ADCK2: variants seen among roughly 807,000 people sequenced by gnomAD.
ADCK2 encodes the protein aarF domain containing kinase 2.
ADCK2 carries 37 observed loss-of-function variants against 52.3 expected under a neutral mutation model. That is an observed-to-expected ratio of 0.71 (90% CI 0.54 to 0.93). The LOEUF is 0.93. ADCK2 is among the 40% of genes least tolerant of loss of function. The pLI is 0.00. For missense variants in ADCK2, 695 were observed against 798.7 expected, an observed-to-expected ratio of 0.87 and a Z score of 1.56; for synonymous variants, 321 against 349.2, an observed-to-expected ratio of 0.92 and a Z score of 0.90.
rs1449345668 is a variant in ADCK2 at position 140,691,922 on chromosome 7, G to A, written c.1740+1109G>A. 3.3e-5 allele frequency among the ~76,000 whole-genome samples: 5 copies of A among 152,218 alleles called. No homozygotes were observed. The East Asian group carries it at 7.7e-4, about 23-fold the overall frequency. On this transcript the variant is annotated intron_variant, in intron 7 of 7. Transcript: ENST00000072869. The stretch of plus-strand genomic sequence containing the variant: ...TGCTCCCCACACAGTTTCCAGCACG[G>A]TGGGTGAGGGGCCTTGAGTGTTTGC...
At chr7:140,692,273 G>A (rs116371636) in intron 7 of ADCK2, among the ~76,000 whole-genome samples, 1,901 of 152,242 alleles carry the variant, frequency 0.012, 32 homozygotes, top group African/African-American at 0.043. Flanking sequence ...TTTCATATAA[G>A]TGGAATTATA....
chr7:140,679,335 G>A (rs1374788253), intron 3 of ADCK2, 52 bp downstream of exon 3: 1 of 1,605,218 alleles, frequency 6.2e-7, no homozygotes, highest in Non-Finnish European at 8.5e-7. Context: ...ACTCGCAGTG[G>A]GCCCGTCTCC....
At chr7:140,694,620 A>G (rs760877942) in intron 7 of ADCK2, 43 bp from the exon 8 acceptor site, 1 of 1,584,836 alleles carries the variant, frequency 6.3e-7, no homozygotes, top group South Asian at 1.1e-5. Context: ...ACGTCCCTGT[A>G]TCAGCATGTT....
intron 3 of ADCK2, 80 bp from the exon 4 acceptor site, chr7:140,680,962 G>T: frequency 8.0e-7 from 1 of 1,245,694 alleles, no homozygotes; most frequent in African/African-American, 1.5e-5. Flanking sequence ...AGAAGACAGC[G>T]CTGTGGTGCC....
chr7:140,675,776 CA>C (rs1428343332), intron 2 of ADCK2, among the ~76,000 whole-genome samples: 4 of 152,196 alleles, frequency 2.6e-5, no homozygotes, highest in Non-Finnish European at 5.9e-5. Context: ...TTAGCAAAGT[CA>C]CATACTGTGC....
At chr7:140,692,251 C>T (rs377289357) in intron 7 of ADCK2, among the ~76,000 whole-genome samples, 1 of 152,150 alleles carries the variant, frequency 6.6e-6, no homozygotes, top group Admixed American at 6.6e-5. Context: ...ATGATTTTGG[C>T]TACTCTTGAT....
rs1801678451 is a variant in ADCK2 at position 140,673,726 on chromosome 7, C to T, written c.396C>T (p.His132=). 1.2e-6 allele frequency: 2 copies of T among 1,612,276 alleles called. No individual in the cohort carries two copies. The highest frequency in any genetic ancestry group is 1.1e-5 in the South Asian group (1 of 91,000). Residue 132 remains histidine, a synonymous_variant, in exon 1 of 8, where the codon CAC becomes CAT. Transcript: ENST00000072869. This position sits in a 1 kb window ranked among gnomAD's most constrained non-coding sequence, Gnocchi z 6.4. ...CCAGCGTCTCCACCCTCTGGCTCCACCTGCTTCTGAAAGCCACCGAGACCT... is the reference window on the plus strand; with the variant it reads ...CCAGCGTCTCCACCCTCTGGCTCCATCTGCTTCTGAAAGCCACCGAGACCT... ...LAPSVSTLWL[H]LLLKATETSG...
At chr7:140,682,824 TACA>T (rs1794538000) in intron 4 of ADCK2, among the ~76,000 whole-genome samples, 1 of 81,480 alleles carries the variant, frequency 1.2e-5, no homozygotes, top group Admixed American at 1.5e-4. Context: ...ACCCTGTCAC[TACA>T]AAAAAAAAAA....
intron 5 of ADCK2, among the ~76,000 whole-genome samples, chr7:140,688,794 G>T (rs958493548): frequency 2.6e-5 from 4 of 152,174 alleles, no homozygotes; most frequent in Non-Finnish European, 4.4e-5. Flanking sequence ...CTGAGGGTCT[G>T]CAGTGGTTGA....
intron 2 of ADCK2, among the ~76,000 whole-genome samples, chr7:140,677,844 G>C (rs1794447554): frequency 6.6e-6 from 1 of 152,120 alleles, no homozygotes; most frequent in African/African-American, 2.4e-5. Flanking sequence ...CCAAGTGGGG[G>C]AATAACATTC....
chr7:140,673,311 G>C lies in ADCK2; in HGVS notation c.-20G>C. 1 of 1,428,086 alleles carries C rather than the reference G, an allele frequency of 7.0e-7. No homozygotes were observed. Among genetic ancestry groups the C allele is most frequent in the East Asian group, 2.7e-5 (1 of 36,904 alleles). 88.5% of individuals were successfully genotyped at this position (1,428,086 alleles called of 1,614,324 possible). On this transcript the variant is annotated 5_prime_UTR_variant, in exon 1 of 8. Transcript: ENST00000072869. This position sits in a 1 kb window ranked among gnomAD's most constrained non-coding sequence, Gnocchi z 6.4. Reference sequence around the variant, plus strand: ...CTCTGAAGTGGAGGGCGGGCCGCCTGGGCCGCGGGCCTCGGGAGGATGGTG... The same window carrying C: ...CTCTGAAGTGGAGGGCGGGCCGCCTCGGCCGCGGGCCTCGGGAGGATGGTG...
Position 140,673,634 on chromosome 7 carries a change from C to G in ADCK2, c.304C>G (p.Arg102Gly). 1.2e-6 allele frequency: 2 copies of G among 1,610,006 alleles called. No homozygotes were observed. The highest frequency in any genetic ancestry group is 1.7e-6 in the Non-Finnish European group (2 of 1,179,970). ...GVFLHLRLWL[R>G]AGALLVKFFP... ...CTTCCTGCATCTCCGCCTCTGGCTT[C>G]GCGCCGGCGCTCTGTTGGTGAAATT... is the stretch of plus-strand genomic sequence containing the variant. The change falls in exon 1 of 8, where the codon CGC becomes GGC. Residue 102 changes from arginine (R) to glycine (G), a missense_variant. Physicochemically the swap from Arg to Gly is moderately radical, Grantham distance 125. Coordinates refer to ENST00000072869, the MANE Select transcript of ADCK2 (RefSeq NM_052853.4). The surrounding 1 kb of genome is among the most constrained non-coding windows in gnomAD (Gnocchi z 6.4).
chr7:140,674,777 G>A lies in ADCK2; in HGVS notation c.1080+20G>A, dbSNP rs201041078. The A allele has an allele frequency of 6.2e-7, 1 of 1,610,014 alleles. No homozygotes were observed. Among genetic ancestry groups the A allele is most frequent in the Admixed American group, 1.7e-5 (1 of 59,700 alleles). On this transcript the variant is annotated intron_variant, in intron 2 of 7. Coordinates refer to ENST00000072869, the MANE Select transcript of ADCK2 (RefSeq NM_052853.4). The surrounding 1 kb of genome is among the most constrained non-coding windows in gnomAD (Gnocchi z 4.6). The stretch of plus-strand genomic sequence containing the variant: ...CAACAGGTGAGTTCTCCTCCCCTCA[G>A]CTGTAAATAGCACCTAACATAGTTC...
At chr7:140,690,701 GAAAT>G in intron 6 of ADCK2, 55 bp from the exon 7 acceptor site, 1 of 1,535,368 alleles carries the variant, frequency 6.5e-7, no homozygotes, top group South Asian at 1.1e-5. Context: ...GGGGTGGTGG[GAAAT>G]GAGCGGTTCT....
Position 140,673,209 on chromosome 7 carries a change from C to T in ADCK2, c.-122C>T. Reference sequence around the variant, plus strand: ...GTGCTGGAGGGAGCGGGGCGCGGATCCGGCCCAGATGGGCAGCTCCGTCCG... The same window carrying T: ...GTGCTGGAGGGAGCGGGGCGCGGATTCGGCCCAGATGGGCAGCTCCGTCCG... On this transcript the variant is annotated 5_prime_UTR_variant, in exon 1 of 8. Coordinates refer to ENST00000072869, the MANE Select transcript of ADCK2 (RefSeq NM_052853.4). This position sits in a 1 kb window ranked among gnomAD's most constrained non-coding sequence, Gnocchi z 6.4. 1.2e-6 allele frequency: 1 copy of T among 801,514 alleles called. No individual in the cohort carries two copies. The highest frequency in any genetic ancestry group is 3.4e-5 in the East Asian group (1 of 29,758). The allele number at this position is 801,514 out of a possible 1,614,324, so 49.7% of individuals were successfully genotyped here.
intron 4 of ADCK2, among the ~76,000 whole-genome samples, chr7:140,682,826 CAAAAAAA>C (rs397889908): frequency 1.5e-5 from 1 of 65,174 alleles, no homozygotes; most frequent in African/African-American, 4.4e-5. Flanking sequence ...CCTGTCACTA[CAAAAAAA>C]AAAAAAAAAA....
At chr7:140,686,312 G>A (rs181637183) in intron 4 of ADCK2, among the ~76,000 whole-genome samples, 22 of 152,074 alleles carry the variant, frequency 1.4e-4, no homozygotes, top group Non-Finnish European at 2.1e-4. Context: ...ATGGAGTCTC[G>A]CTCCGTCGCC....
At chr7:140,681,890 G>C (rs1447026902) in intron 4 of ADCK2, among the ~76,000 whole-genome samples, 1 of 152,170 alleles carries the variant, frequency 6.6e-6, no homozygotes, top group Admixed American at 6.5e-5. Flanking sequence ...CAAAGTGTTG[G>C]GATTACAGGC....
At chr7:140,675,466 G>T (rs1313771566) in intron 2 of ADCK2, among the ~76,000 whole-genome samples, 1 of 152,210 alleles carries the variant, frequency 6.6e-6, no homozygotes, top group Non-Finnish European at 1.5e-5. Context: ...CTACTCCCTA[G>T]TTTCAGGGGA....
Sources: allele counts gnomAD v4.1 joint callset (sites outside exome capture counted in the v4.1 genomes callset), GRCh38; gene constraint gnomAD v4.1.1; non-coding constraint Gnocchi (gnomAD v3.1); transcripts MANE v1.5; gene names NCBI Gene and HGNC (gene_info 2026-07-23, HGNC 2026-07-21).